The following RSF1 variants were observed in gnomAD, a reference collection of about 807,000 sequenced individuals.
The protein encoded by RSF1 is remodeling and spacing factor 1.
Under a neutral mutation model 145.2 loss-of-function variants are expected in RSF1, and 13 were observed. The ratio of observed to expected loss-of-function variants is 0.09; its 90% CI spans 0.06 to 0.14. RSF1 has a LOEUF of 0.14. RSF1 is among the 10% of genes least tolerant of loss of function. The pLI, the probability that RSF1 is intolerant of heterozygous loss-of-function variation, is 1.00. For synonymous variants in RSF1, 577 were observed against 592.6 expected (o/e 0.97, Z 0.38); for missense variants, 1,517 against 1,718.2 (o/e 0.88, Z 2.07).
rs181354543 is a variant in RSF1, at chr11:77,803,460, A to T, written c.187+17068T>A. On this transcript the variant is annotated intron_variant, in intron 1 of 15. Transcript: ENST00000308488. Reference sequence around the variant, plus strand: ...CTGTGCCTAGTCAAGAGTGAGTTCTATCACAAAACAAATACCCTAATAAAA... The same window carrying T: ...CTGTGCCTAGTCAAGAGTGAGTTCTTTCACAAAACAAATACCCTAATAAAA... Among the ~76,000 whole-genome samples the T allele has an allele frequency of 2.9e-3, 435 of 150,258 alleles. 5 individuals are homozygous for T. The highest frequency in any genetic ancestry group is 0.01 in the African/African-American group (418 of 41,080).
chr11:77,850,309 C>T, the RSF1 span, among the ~76,000 whole-genome samples: 1 of 152,110 alleles, frequency 6.6e-6, no homozygotes, highest in African/African-American at 2.4e-5. Flanking sequence ...CTAGTATGTA[C>T]CTAGTCAAAT....
chr11:77,701,158 T>A lies in RSF1; in HGVS notation c.2071A>T (p.Ile691Leu), dbSNP rs750973509. ...DNLDNAQTSG[I>L]EEPSETKGSM... is the part of the protein sequence containing the mutation. ...CCCTTTGTCTCAGAAGGCTCCTCTA[T>A]GCCAGAGGTCTGGGCATTGTCCAGA... is the stretch of plus-strand genomic sequence containing the variant. The change falls in exon 6 of 16, where the codon ATA becomes TTA. Residue 691 changes from isoleucine to leucine, a missense_variant. Physicochemically the swap from Ile to Leu is conservative, Grantham distance 5. Around this residue, in one of 12 missense-constraint regions of RSF1, gnomAD observed 579 missense variants for 553.5 expected, o/e 1.05. Coordinates refer to ENST00000308488, the MANE Select transcript of RSF1 (RefSeq NM_016578.4). The A allele has an allele frequency of 1.2e-6, 2 of 1,614,174 alleles. No individual in the cohort carries two copies. Among genetic ancestry groups the A allele is most frequent in the Non-Finnish European group, 1.7e-6 (2 of 1,180,030 alleles).
the RSF1 span, among the ~76,000 whole-genome samples, chr11:77,865,787 C>T: frequency 6.6e-6 from 1 of 152,142 alleles, no homozygotes; most frequent in Non-Finnish European, 1.5e-5. Flanking sequence ...TTTGATAATT[C>T]CACTTGTATG....
At chr11:77,698,943 T>C (rs909405080) in intron 6 of RSF1, among the ~76,000 whole-genome samples, 2 of 152,236 alleles carry the variant, frequency 1.3e-5, no homozygotes, top group Admixed American at 6.5e-5. Context: ...ATATTTTTCC[T>C]AGTCACATTC....
chr11:77,678,773 C>G (rs1959781798), intron 11 of RSF1, among the ~76,000 whole-genome samples: 1 of 152,138 alleles, frequency 6.6e-6, no homozygotes, highest in Non-Finnish European at 1.5e-5. Flanking sequence ...GGCATCGGGT[C>G]TACCCTAAAA....
At chr11:77,845,425 T>C in the RSF1 span, among the ~76,000 whole-genome samples, 1 of 149,314 alleles carries the variant, frequency 6.7e-6, no homozygotes, top group Non-Finnish European at 1.5e-5. Context: ...GAATTTCTTT[T>C]TCTTTTCTTT....
At chr11:77,869,315 T>TTTC in the RSF1 span, 331 of 157,380 alleles carry the variant, frequency 2.1e-3, 4 homozygotes, top group African/African-American at 6.7e-3. Flanking sequence ...TCTTTTTCTT[T>TTTC]TTTTTTTTTT....
the RSF1 span, among the ~76,000 whole-genome samples, chr11:77,826,326 C>T: frequency 6.6e-6 from 1 of 151,634 alleles, no homozygotes; most frequent in African/African-American, 2.4e-5. Context: ...CACACCATTG[C>T]ACTCTGGCCT....
chr11:77,798,936 A>G (rs1005422648), intron 1 of RSF1, among the ~76,000 whole-genome samples: 1 of 151,134 alleles, frequency 6.6e-6, no homozygotes. Flanking sequence ...CACGTTCTGC[A>G]TATGTACCCC....
chr11:77,823,949 T>A (rs961114154), upstream of RSF1, among the ~76,000 whole-genome samples: 2 of 152,184 alleles, frequency 1.3e-5, no homozygotes, highest in South Asian at 2.1e-4. Context: ...ACTATAGTTT[T>A]CTTTTCTCAC....
chr11:77,776,695 T>C (rs1016573836), intron 1 of RSF1, among the ~76,000 whole-genome samples: 1 of 152,238 alleles, frequency 6.6e-6, no homozygotes, highest in Non-Finnish European at 1.5e-5. Flanking sequence ...ATTTGAGGGC[T>C]AGCCAGCCAA....
At chr11:77,766,647 TA>T (rs1317396546) in intron 1 of RSF1, among the ~76,000 whole-genome samples, 8 of 151,988 alleles carry the variant, frequency 5.3e-5, no homozygotes, top group Non-Finnish European at 1.0e-4. Context: ...TGCAAATAGC[TA>T]AAAAACCAAA....
chr11:77,819,677 G>A (rs1372403985), intron 1 of RSF1, among the ~76,000 whole-genome samples: 1 of 152,182 alleles, frequency 6.6e-6, no homozygotes, highest in Non-Finnish European at 1.5e-5. Flanking sequence ...CCGTGCAAAT[G>A]GGAGGGAGAC....
chr11:77,716,134 GA>G (rs373189180), intron 5 of RSF1, among the ~76,000 whole-genome samples: 25 of 141,130 alleles, frequency 1.8e-4, no homozygotes, highest in Admixed American at 3.5e-4. Flanking sequence ...CAAAAATGAG[GA>G]AAAAAAAAAA....
the RSF1 span, among the ~76,000 whole-genome samples, chr11:77,849,610 T>C: frequency 6.6e-6 from 1 of 152,066 alleles, no homozygotes; most frequent in African/African-American, 2.4e-5. Context: ...CCTTTTGCCT[T>C]GGCCTCCCAA....
At chr11:77,848,929 T>G in the RSF1 span, among the ~76,000 whole-genome samples, 1 of 151,764 alleles carries the variant, frequency 6.6e-6, no homozygotes, top group Non-Finnish European at 1.5e-5. Flanking sequence ...TAGCTAGAAG[T>G]AGAAGTATGT....
upstream of RSF1, among the ~76,000 whole-genome samples, chr11:77,823,870 C>T (rs1027971468): frequency 1.3e-5 from 2 of 151,568 alleles, no homozygotes; most frequent in Non-Finnish European, 2.9e-5. Context: ...CTAGCTTTTG[C>T]AGCACTTCAC....
rs200862794 is a variant in RSF1, at chr11:77,725,003, A to AT, written c.733+541dup. Among the ~76,000 whole-genome samples the AT allele has an allele frequency of 5.0e-3, 769 of 152,344 alleles. 8 individuals are homozygous for AT. Among genetic ancestry groups the AT allele is most frequent in the African/African-American group, 0.018 (735 of 41,572 alleles). ...AGCCTGTCACAAAAGTGCAAGCATT[A>AT]TGATTCCTCGGATATGAATGATCAA... is the stretch of plus-strand genomic sequence containing the variant. On this transcript the variant is annotated intron_variant, in intron 5 of 15. Coordinates refer to ENST00000308488, the MANE Select transcript of RSF1 (RefSeq NM_016578.4).
chr11:77,704,498 A>C (rs1422895130), intron 5 of RSF1, among the ~76,000 whole-genome samples: 1 of 152,168 alleles, frequency 6.6e-6, no homozygotes, highest in African/African-American at 2.4e-5. Context: ...TTTTCATTCG[A>C]AGGTAACTGA....
Sources: allele counts gnomAD v4.1 joint callset (sites outside exome capture counted in the v4.1 genomes callset), GRCh38; gene constraint gnomAD v4.1.1; regional missense constraint gnomAD v4.1.1; transcripts MANE v1.5; gene names NCBI Gene and HGNC (gene_info 2026-07-23, HGNC 2026-07-21).